The following TMEM17 variants were observed in gnomAD, a reference collection of about 807,000 sequenced individuals.
TMEM17 encodes the protein transmembrane protein 17.
In TMEM17, 15 loss-of-function variants were observed where a neutral mutation model predicts 19.1. The observed-to-expected ratio is 0.78, with a 90% confidence interval of 0.52 to 1.21. TMEM17 has a LOEUF of 1.21. Ranked by LOEUF, TMEM17 falls within the 50% of genes most tolerant of loss-of-function variation. TMEM17 has a pLI of 0.00. For missense variants in TMEM17, 245 were observed against 242.3 expected (o/e 1.01, Z -0.07); for synonymous variants, 103 against 86.9 (o/e 1.19, Z -1.03).
At chr2:62,474,853 AC>A in the TMEM17 span, among the ~76,000 whole-genome samples, 1 of 152,008 alleles carries the variant, frequency 6.6e-6, no homozygotes, top group South Asian at 2.1e-4. Flanking sequence ...CCTCTATCCC[AC>A]CCCTGCAAAT....
At chr2:62,480,940 A>G in the TMEM17 span, among the ~76,000 whole-genome samples, 1 of 150,492 alleles carries the variant, frequency 6.6e-6, no homozygotes, top group Non-Finnish European at 1.5e-5. Context: ...TTTTTTTTCC[A>G]TTTCTGTGGA....
the TMEM17 span, among the ~76,000 whole-genome samples, chr2:62,478,864 C>A: frequency 6.6e-6 from 1 of 152,026 alleles, no homozygotes; most frequent in Non-Finnish European, 1.5e-5. Flanking sequence ...GAAACAATTC[C>A]CAAAGGGTCT....
intron 3 of TMEM17, 105 bp from the exon 4 acceptor site, chr2:62,501,592 TGTGA>T: frequency 8.9e-7 from 1 of 1,128,264 alleles, no homozygotes; most frequent in South Asian, 1.7e-5. Flanking sequence ...TTATGGGCTC[TGTGA>T]GTGATTCCAA....
downstream of TMEM17, among the ~76,000 whole-genome samples, chr2:62,499,567 C>T (rs1679865756): frequency 6.6e-6 from 1 of 151,920 alleles, no homozygotes; most frequent in African/African-American, 2.4e-5. Context: ...TCATAAAGAG[C>T]AGAAATAATA....
At chr2:62,505,858 C>T (rs1680055170) in intron 1 of TMEM17, among the ~76,000 whole-genome samples, 172 bp downstream of exon 1, 1 of 152,234 alleles carries the variant, frequency 6.6e-6, no homozygotes, top group Non-Finnish European at 1.5e-5. Flanking sequence ...AGGCCGCCAG[C>T]GCCTCAGCTC....
At chr2:62,482,465 C>G in the TMEM17 span, among the ~76,000 whole-genome samples, 1 of 152,256 alleles carries the variant, frequency 6.6e-6, no homozygotes, top group African/African-American at 2.4e-5. Flanking sequence ...CCATCTGGAA[C>G]CCAAAACCCC....
the TMEM17 span, among the ~76,000 whole-genome samples, chr2:62,464,422 C>T: frequency 6.6e-6 from 1 of 152,200 alleles, no homozygotes; most frequent in Non-Finnish European, 1.5e-5. Context: ...AGGAGTTGAG[C>T]GCAGCGGGCT....
the TMEM17 span, among the ~76,000 whole-genome samples, chr2:62,485,311 C>G: frequency 6.6e-6 from 1 of 152,200 alleles, no homozygotes; most frequent in African/African-American, 2.4e-5. Context: ...ATTGATTAGA[C>G]TTCTACATTC....
the TMEM17 span, among the ~76,000 whole-genome samples, chr2:62,457,919 T>G: frequency 6.6e-6 from 1 of 152,182 alleles, no homozygotes; most frequent in Non-Finnish European, 1.5e-5. The surrounding 1 kb of genome is among the most constrained non-coding windows in gnomAD (Gnocchi z 4.2). Flanking sequence ...CCTCATGGCT[T>G]ATGTCTCTAG....
the TMEM17 span, among the ~76,000 whole-genome samples, chr2:62,487,657 TAAAATAAA>T: frequency 6.6e-6 from 1 of 152,188 alleles, no homozygotes; most frequent in Non-Finnish European, 1.5e-5. Flanking sequence ...TCAAAAAAAT[TAAAATAAA>T]AAAATAAAAC....
the TMEM17 span, among the ~76,000 whole-genome samples, chr2:62,488,491 T>A: frequency 7.7e-6 from 1 of 130,580 alleles, no homozygotes; most frequent in Non-Finnish European, 1.7e-5. Flanking sequence ...AGGATGAGTT[T>A]TGAAAAAAAA....
chr2:62,475,173 G>A, the TMEM17 span, among the ~76,000 whole-genome samples: 2 of 152,180 alleles, frequency 1.3e-5, no homozygotes, highest in Non-Finnish European at 2.9e-5. Context: ...TATTTCCTGG[G>A]GTGTTTTCAG....
At chr2:62,498,882 T>C (rs936147324), downstream of TMEM17, among the ~76,000 whole-genome samples, 4 of 152,088 alleles carry the variant, frequency 2.6e-5, no homozygotes, top group African/African-American at 9.7e-5. Flanking sequence ...TGGATAAATA[T>C]ATTCAAATAA....
At chr2:62,467,629 G>A in the TMEM17 span, among the ~76,000 whole-genome samples, 1 of 152,186 alleles carries the variant, frequency 6.6e-6, no homozygotes, top group Non-Finnish European at 1.5e-5. Flanking sequence ...TAATGACCCT[G>A]TTTGAATCCT....
chr2:62,485,787 G>A, the TMEM17 span, among the ~76,000 whole-genome samples: 3 of 152,128 alleles, frequency 2.0e-5, no homozygotes, highest in South Asian at 4.1e-4. Flanking sequence ...CTTTGGCACC[G>A]CTGAATTATG....
the TMEM17 span, among the ~76,000 whole-genome samples, chr2:62,454,610 G>C: frequency 6.6e-6 from 1 of 152,204 alleles, no homozygotes; most frequent in Non-Finnish European, 1.5e-5. Context: ...CTCTTAAAAT[G>C]CAAATACTCC....
At chr2:62,456,154 G>A in the TMEM17 span, among the ~76,000 whole-genome samples, 8 of 152,326 alleles carry the variant, frequency 5.3e-5, no homozygotes, top group South Asian at 2.1e-4. Context: ...ATGTATTAGC[G>A]TCCTGTGGCT....
At chr2:62,497,127 A>T (rs534744563), downstream of TMEM17, among the ~76,000 whole-genome samples, 1 of 152,220 alleles carries the variant, frequency 6.6e-6, no homozygotes, top group Non-Finnish European at 1.5e-5. Flanking sequence ...ACACTATAGT[A>T]GGTTCTATTC....
chr2:62,480,921 T>C, the TMEM17 span, among the ~76,000 whole-genome samples: 1 of 135,740 alleles, frequency 7.4e-6, no homozygotes, highest in African/African-American at 2.6e-5. Flanking sequence ...TCCATACAAA[T>C]TGTAAGATTT....
Sources: allele counts gnomAD v4.1 joint callset (sites outside exome capture counted in the v4.1 genomes callset), GRCh38; gene constraint gnomAD v4.1.1; non-coding constraint Gnocchi (gnomAD v3.1); transcripts MANE v1.5; gene names NCBI Gene and HGNC (gene_info 2026-07-23, HGNC 2026-07-21).